The following PCDH15 variants were observed in gnomAD, a reference collection of about 807,000 sequenced individuals.
The protein encoded by PCDH15 is protocadherin related 15.
A neutral mutation model predicts 178.5 loss-of-function variants in PCDH15; 129 were observed. The ratio of observed to expected loss-of-function variants is 0.72; its 90% CI spans 0.63 to 0.84. The LOEUF (loss-of-function observed/expected upper bound fraction) is 0.84. PCDH15 is among the 40% of genes least tolerant of loss of function. The probability of loss-of-function intolerance (pLI) is 0.00; values close to 1 mark genes in which losing one functional copy is unlikely to be tolerated. For synonymous variants in PCDH15, 800 were observed against 732.0 expected, an observed-to-expected ratio of 1.09 and a Z score of -1.50; for missense variants, 2,230 against 2,099.9, an observed-to-expected ratio of 1.06 and a Z score of -1.21.
chr10:54,365,034 T>G (rs1213035776), intron 5 of PCDH15, among the ~76,000 whole-genome samples: 1 of 152,082 alleles, frequency 6.6e-6, no homozygotes, highest in African/African-American at 2.4e-5. Context: ...CCTCTTCCCT[T>G]GCCTCTCTCT....
At chr10:55,153,647 C>T (rs1456236930) in intron 2 of PCDH15, among the ~76,000 whole-genome samples, 34 of 152,244 alleles carry the variant, frequency 2.2e-4, no homozygotes, top group Non-Finnish European at 1.3e-4. Context: ...CTCCCCTTTA[C>T]TTGTTCACTA....
intron 3 of PCDH15, among the ~76,000 whole-genome samples, chr10:54,384,231 T>A (rs542680458): frequency 6.6e-6 from 1 of 152,142 alleles, no homozygotes; most frequent in African/African-American, 2.4e-5. Flanking sequence ...TTAACCTGTG[T>A]CTCCATTAGA....
At chr10:55,579,861 G>GT (rs1489786839) in intron 2 of PCDH15, among the ~76,000 whole-genome samples, 11 of 151,646 alleles carry the variant, frequency 7.3e-5, no homozygotes, top group Non-Finnish European at 1.2e-4. Flanking sequence ...TTTGTTTTTT[G>GT]TTTTTTGTTT....
intron 3 of PCDH15, among the ~76,000 whole-genome samples, chr10:54,460,518 C>A (rs1281686588): frequency 1.3e-5 from 2 of 151,952 alleles, no homozygotes; most frequent in African/African-American, 2.4e-5. Context: ...GATGCTAATG[C>A]AACAGGGCAC....
intron 18 of PCDH15, among the ~76,000 whole-genome samples, chr10:54,039,468 C>T (rs1478565340): frequency 6.6e-6 from 1 of 151,852 alleles, no homozygotes; most frequent in East Asian, 1.9e-4. Context: ...ATCTAAGTTA[C>T]AGAGAATTGT....
At chr10:54,897,896 A>G (rs1251338069) in intron 2 of PCDH15, among the ~76,000 whole-genome samples, 1 of 152,208 alleles carries the variant, frequency 6.6e-6, no homozygotes, top group Non-Finnish European at 1.5e-5. Context: ...ATAACTGAAT[A>G]TATTTGATGA....
At chr10:54,110,877 A>G (rs966722259) in intron 15 of PCDH15, among the ~76,000 whole-genome samples, 1 of 152,148 alleles carries the variant, frequency 6.6e-6, no homozygotes, top group African/African-American at 2.4e-5. Context: ...ATATAATTGA[A>G]TTTTTCAGTT....
chr10:53,868,651 C>G (rs1255388329), intron 26 of PCDH15, among the ~76,000 whole-genome samples: 1 of 152,022 alleles, frequency 6.6e-6, no homozygotes, highest in Non-Finnish European at 1.5e-5. Flanking sequence ...TAAATCATAG[C>G]AAATGTGTAT....
intron 2 of PCDH15, among the ~76,000 whole-genome samples, chr10:55,144,047 A>G (rs537468538): frequency 6.6e-6 from 1 of 151,766 alleles, no homozygotes; most frequent in African/African-American, 2.4e-5. Flanking sequence ...TGTGTTGCAG[A>G]TAAATATTCC....
intron 2 of PCDH15, among the ~76,000 whole-genome samples, chr10:54,663,738 A>C (rs927654196): frequency 2.0e-5 from 3 of 151,138 alleles, no homozygotes; most frequent in Non-Finnish European, 4.4e-5. Flanking sequence ...TGCCCAGTTA[A>C]AGTGCCAACA....
At chr10:55,593,711 T>C (rs1842889118) in intron 2 of PCDH15, among the ~76,000 whole-genome samples, 1 of 151,888 alleles carries the variant, frequency 6.6e-6, no homozygotes, top group South Asian at 2.1e-4. Flanking sequence ...TTTCAAAGAC[T>C]GATTAAAATA....
chr10:55,262,125 G>T lies in PCDH15; in HGVS notation c.-156+57474C>A, dbSNP rs1470700137. Among the ~76,000 whole-genome samples the T allele has an allele frequency of 2.6e-4, 30 of 115,010 alleles. No individual in the cohort carries two copies. The East Asian group carries it at 7.5e-3, about 29-fold the overall frequency. The allele number at this position is 115,010 out of a possible 152,430, so 75.5% of individuals were successfully genotyped here. On this transcript the variant is annotated intron_variant, in intron 1 of 5. Transcript: ENST00000458638. Reference sequence around the variant, plus strand: ...AAGAGAAGAGAAATAAAAAAGAAAAGAAAAGAAAGATGAAGGAAGGAGTGT... The same window carrying T: ...AAGAGAAGAGAAATAAAAAAGAAAATAAAAGAAAGATGAAGGAAGGAGTGT...
chr10:54,405,462 T>A (rs1368033598), intron 3 of PCDH15, among the ~76,000 whole-genome samples: 2 of 151,936 alleles, frequency 1.3e-5, no homozygotes, highest in Admixed American at 1.3e-4. Flanking sequence ...ATGTTCTCAC[T>A]TATAAGTGGG....
At chr10:53,896,949 G>A (rs763814515) in intron 26 of PCDH15, among the ~76,000 whole-genome samples, 9 of 151,900 alleles carry the variant, frequency 5.9e-5, no homozygotes, top group African/African-American at 1.5e-4. Context: ...TATATATTAC[G>A]ATGTAATAAT....
intron 20 of PCDH15, among the ~76,000 whole-genome samples, chr10:54,016,428 A>AT (rs2092742679): frequency 6.6e-6 from 1 of 152,214 alleles, no homozygotes; most frequent in African/African-American, 2.4e-5. Context: ...ATGCACATGT[A>AT]TCATTAGTAT....
At chr10:54,372,767 A>C (rs989290910) in intron 4 of PCDH15, among the ~76,000 whole-genome samples, 15 of 151,942 alleles carry the variant, frequency 9.9e-5, no homozygotes, top group African/African-American at 3.1e-4. Flanking sequence ...TAACTATTTA[A>C]AACTATTACC....
chr10:54,873,035 T>C (rs986935868), intron 3 of PCDH15, among the ~76,000 whole-genome samples: 5 of 152,082 alleles, frequency 3.3e-5, no homozygotes, highest in African/African-American at 7.2e-5. Flanking sequence ...CGAAACAATT[T>C]TCTACAGGTG....
intron 3 of PCDH15, among the ~76,000 whole-genome samples, chr10:54,467,856 A>G (rs538721030): frequency 6.6e-6 from 1 of 151,784 alleles, no homozygotes; most frequent in East Asian, 1.9e-4. Context: ...CTCATTGTTG[A>G]TAAGTTCAGG....
intron 1 of PCDH15, among the ~76,000 whole-genome samples, chr10:55,314,410 G>A (rs1190065646): frequency 1.3e-5 from 2 of 151,954 alleles, no homozygotes; most frequent in Non-Finnish European, 2.9e-5. Context: ...AAAGACAGCT[G>A]AGATAGAGGC....
Sources: gnomAD v4.1 joint callset for allele counts (sites outside exome capture counted in the v4.1 genomes callset) on GRCh38, gnomAD v4.1.1 for gene constraint, MANE v1.5 for transcripts, NCBI Gene and HGNC (gene_info 2026-07-23, HGNC 2026-07-21) for gene names.